AGBL4: variants seen among roughly 807,000 people sequenced by gnomAD.
The protein encoded by AGBL4 is AGBL carboxypeptidase 4.
Under a neutral mutation model 66.4 loss-of-function variants are expected in AGBL4, and 58 were observed. That is an observed-to-expected ratio of 0.87 (90% CI 0.71 to 1.09). AGBL4 has a LOEUF of 1.09. Among genes scored for constraint, AGBL4 ranks in the 50% least tolerant of loss-of-function variants. The pLI is 0.00. For synonymous variants in AGBL4, 234 were observed against 222.9 expected, an observed-to-expected ratio of 1.05 and a Z score of -0.44; for missense variants, 579 against 631.0, an observed-to-expected ratio of 0.92 and a Z score of 0.88.
At chr1:48,680,800 C>G (rs1467644623) in intron 6 of AGBL4, among the ~76,000 whole-genome samples, 2 of 152,178 alleles carry the variant, frequency 1.3e-5, no homozygotes, top group African/African-American at 4.8e-5. Context: ...AATTAAGTTA[C>G]CAGCTAGGAA....
intron 3 of AGBL4, among the ~76,000 whole-genome samples, chr1:49,605,047 G>A (rs2211456): frequency 6.6e-6 from 1 of 152,010 alleles, no homozygotes; most frequent in Non-Finnish European, 1.5e-5. Context: ...AAAAGTCCTA[G>A]GACAAAGATA....
chr1:49,542,313 T>A (rs1268693357), intron 3 of AGBL4, among the ~76,000 whole-genome samples: 1 of 152,170 alleles, frequency 6.6e-6, no homozygotes, highest in Non-Finnish European at 1.5e-5. Flanking sequence ...TTGCTGCTGC[T>A]CACTTTTTGG....
intron 9 of AGBL4, among the ~76,000 whole-genome samples, chr1:48,593,677 G>C (rs1291287723): frequency 6.6e-6 from 1 of 152,136 alleles, no homozygotes; most frequent in African/African-American, 2.4e-5. Flanking sequence ...CTTGAACCCA[G>C]GAGGTGGAGG....
intron 3 of AGBL4, among the ~76,000 whole-genome samples, chr1:49,284,494 A>C (rs1644358227): frequency 6.6e-6 from 1 of 152,130 alleles, no homozygotes; most frequent in South Asian, 2.1e-4. Flanking sequence ...CTAACTTCAT[A>C]ATGACAGGAT....
chr1:49,240,043 T>C (rs1486029801), intron 4 of AGBL4, among the ~76,000 whole-genome samples: 2 of 151,998 alleles, frequency 1.3e-5, no homozygotes, highest in Non-Finnish European at 1.5e-5. Context: ...AAGTAAAATA[T>C]AAATTTTTGT....
chr1:49,793,013 C>T (rs1644640239), intron 2 of AGBL4, among the ~76,000 whole-genome samples: 1 of 151,960 alleles, frequency 6.6e-6, no homozygotes, highest in African/African-American at 2.4e-5. Context: ...AATGAAAACA[C>T]AAAATCATTA....
chr1:49,781,086 T>C (rs1644326533), intron 2 of AGBL4, among the ~76,000 whole-genome samples: 1 of 152,066 alleles, frequency 6.6e-6, no homozygotes, highest in African/African-American at 2.4e-5. Context: ...AGACAAAATA[T>C]ATAATTCAAA....
intron 13 of AGBL4, 88 bp downstream of exon 13, chr1:48,534,801 CA>C: frequency 7.4e-7 from 1 of 1,355,554 alleles, no homozygotes; most frequent in Non-Finnish European, 1.0e-6. Flanking sequence ...GCTAACATAA[CA>C]AGGCTGCCAG....
At chr1:49,467,579 ATC>A (rs1646657460) in intron 3 of AGBL4, among the ~76,000 whole-genome samples, 1 of 151,834 alleles carries the variant, frequency 6.6e-6, no homozygotes, top group African/African-American at 2.4e-5. Flanking sequence ...CTACTGTGTG[ATC>A]TATGGCCTGA....
chr1:48,587,048 A>T lies in AGBL4; in HGVS notation c.1223T>A (p.Ile408Asn), dbSNP rs1347911800. The T allele has an allele frequency of 6.2e-7, 1 of 1,608,890 alleles. No individual in the cohort carries two copies. The highest frequency in any genetic ancestry group is 1.7e-5 in the Admixed American group (1 of 59,346). ...CACAGCAGCCGTGGTGCCACTGATG[A>T]TGTAGCTGTAGAAGGAGACCTCTAG... The part of the protein sequence containing the change: ...YTLEVSFYSY[I>N]ISGTTAAVPY... Residue 408 changes from isoleucine to asparagine, a missense_variant, in exon 11 of 14, where the codon ATC becomes AAC. Ile to Asn is a moderately radical substitution (Grantham distance 149, BLOSUM62 -3). Coordinates refer to ENST00000371839, the MANE Select transcript of AGBL4 (RefSeq NM_032785.4).
intron 6 of AGBL4, among the ~76,000 whole-genome samples, chr1:48,674,887 G>A (rs1646339611): frequency 6.6e-6 from 1 of 151,986 alleles, no homozygotes; most frequent in African/African-American, 2.4e-5. Context: ...TTCCCTCCCA[G>A]CCCCTTCTGC....
At chr1:49,888,753 T>C (rs1648329614) in intron 1 of AGBL4, among the ~76,000 whole-genome samples, 1 of 152,154 alleles carries the variant, frequency 6.6e-6, no homozygotes. Flanking sequence ...TAAATTGCTC[T>C]CCTTTTTCAT....
intron 4 of AGBL4, among the ~76,000 whole-genome samples, chr1:49,130,180 T>C (rs1276016409): frequency 6.6e-6 from 1 of 152,180 alleles, no homozygotes; most frequent in Non-Finnish European, 1.5e-5. Context: ...TTCTTGTAAA[T>C]TTGTTTGAGT....
At chr1:49,154,318 G>A (rs1646391349) in intron 4 of AGBL4, among the ~76,000 whole-genome samples, 1 of 152,050 alleles carries the variant, frequency 6.6e-6, no homozygotes, top group Non-Finnish European at 1.5e-5. Context: ...GTCATTAAGA[G>A]GAAAGATGTA....
intron 6 of AGBL4, among the ~76,000 whole-genome samples, chr1:48,747,114 T>C (rs1650890123): frequency 2.0e-5 from 3 of 152,224 alleles, no homozygotes; most frequent in Non-Finnish European, 4.4e-5. Context: ...GGCATTGTTC[T>C]CCCTCAAACA....
chr1:48,886,510 G>A (rs1650359943), intron 5 of AGBL4, among the ~76,000 whole-genome samples: 1 of 152,076 alleles, frequency 6.6e-6, no homozygotes, highest in Non-Finnish European at 1.5e-5. Context: ...TTCTCCGGGA[G>A]CATCATTGGG....
intron 3 of AGBL4, among the ~76,000 whole-genome samples, chr1:49,595,146 T>C (rs1571132878): frequency 1.3e-5 from 2 of 152,324 alleles, no homozygotes; most frequent in African/African-American, 4.8e-5. Flanking sequence ...TGGAGTGCAG[T>C]GGCACGATCT....
At chr1:49,361,267 CCTAA>C (rs1644129451) in intron 3 of AGBL4, among the ~76,000 whole-genome samples, 1 of 152,162 alleles carries the variant, frequency 6.6e-6, no homozygotes, top group South Asian at 2.1e-4. Context: ...CATCATCATT[CCTAA>C]CTGATTTCTA....
Position 50,018,642 on chromosome 1 carries a change from T to C in AGBL4, c.34+5121A>G, listed in dbSNP as rs1327416191. On this transcript the variant is annotated intron_variant, in intron 1 of 13. Transcript: ENST00000371839. ...CATCCTCTGACTTTCTTAATATATA[T>C]AGATCTTTAGTAGCTTTCATTGAAA... Among the ~76,000 whole-genome samples the C allele has an allele frequency of 3.9e-5, 6 of 152,092 alleles. No homozygotes were observed. The East Asian group carries it at 5.8e-4, about 15-fold the overall frequency.
Sources: allele counts gnomAD v4.1 joint callset (sites outside exome capture counted in the v4.1 genomes callset), GRCh38; gene constraint gnomAD v4.1.1; transcripts MANE v1.5; gene names NCBI Gene and HGNC (gene_info 2026-07-23, HGNC 2026-07-21).